ACTG2: variants seen among roughly 807,000 people sequenced by gnomAD.
ACTG2 encodes actin gamma 2, smooth muscle.
In ACTG2, 16 loss-of-function variants were observed where a neutral mutation model predicts 37.6. The observed-to-expected ratio is 0.43, with a 90% CI of 0.29 to 0.65. The LOEUF (loss-of-function observed/expected upper bound fraction) is 0.65. Among genes scored for constraint, ACTG2 ranks in the 30% least tolerant of loss-of-function variants. The pLI, the probability that ACTG2 is intolerant of heterozygous loss-of-function variation, is 0.18. For synonymous variants in ACTG2, 181 were observed against 179.9 expected (o/e 1.01, Z -0.05); for missense variants, 238 against 490.9 (o/e 0.48, Z 4.87).
chr2:73,912,285 A>G (rs988451617), intron 5 of ACTG2, among the ~76,000 whole-genome samples: 11 of 152,106 alleles, frequency 7.2e-5, no homozygotes, highest in African/African-American at 2.4e-4. Context: ...AGTCTCCCGA[A>G]TAGCTGGAAT....
At position 73,898,741 on chromosome 2, in the gene ACTG2, G is replaced by A. The variant is rs115392946; in HGVS notation, c.-36-2535G>A. 4.1e-3 allele frequency among the ~76,000 whole-genome samples: 613 copies of A among 151,176 alleles called. 10 individuals carry two copies. Among genetic ancestry groups the A allele is most frequent in the African/African-American group, 0.014 (594 of 41,194 alleles). ...ATAGCACACTGCTGATGGTCAACAA[G>A]ACACCAAGTCCTGCTCACAGATGCT... On this transcript the variant is annotated intron_variant, in intron 1 of 8. Coordinates refer to ENST00000345517, the MANE Select transcript of ACTG2 (RefSeq NM_001615.4).
At chr2:73,894,786 T>C (rs954148001) in intron 1 of ACTG2, among the ~76,000 whole-genome samples, 3 of 151,950 alleles carry the variant, frequency 2.0e-5, no homozygotes, top group Non-Finnish European at 4.4e-5. Context: ...AGTGGCTCAA[T>C]TCCACTGAAT....
chr2:73,912,767 T>C (rs1262649502), intron 5 of ACTG2, among the ~76,000 whole-genome samples: 1 of 152,256 alleles, frequency 6.6e-6, no homozygotes, highest in African/African-American at 2.4e-5. Context: ...ACACCTCCTA[T>C]TTCTATTTTC....
At chr2:73,908,212 A>C (rs1240838257) in intron 3 of ACTG2, 1 of 463,832 alleles carries the variant, frequency 2.2e-6, no homozygotes, top group African/African-American at 2.0e-5. Flanking sequence ...GGGGCTGCCC[A>C]ACAGGAACTG....
At position 73,908,720 on chromosome 2, in the gene ACTG2, G is replaced by A. The variant is rs141222381; in HGVS notation, c.303G>A (p.Glu101=). 5 of 1,613,530 alleles carry A rather than the reference G, an allele frequency of 3.1e-6. No homozygotes were observed. Among genetic ancestry groups the A allele is most frequent in the Non-Finnish European group, 3.4e-6 (4 of 1,179,784 alleles). ...FYNELRVAPE[E]HPTLLTEAPL... ...ATGAGCTGCGTGTAGCACCTGAAGA[G>A]CACCCCACCCTGCTCACAGAGGCTC... The change falls in exon 4 of 9, where the codon GAG becomes GAA. Residue 101 remains glutamate, a synonymous_variant. Coordinates refer to ENST00000345517, the MANE Select transcript of ACTG2 (RefSeq NM_001615.4).
At chr2:73,901,070 C>T (rs952834873) in intron 1 of ACTG2, among the ~76,000 whole-genome samples, 1 of 152,030 alleles carries the variant, frequency 6.6e-6, no homozygotes, top group Non-Finnish European at 1.5e-5. Context: ...GTTAGGACTT[C>T]AACATGAATT....
intron 7 of ACTG2, 52 bp from the exon 8 acceptor site, chr2:73,916,532 G>T (rs1680271857): frequency 8.5e-6 from 13 of 1,527,398 alleles, no homozygotes. Context: ...AGCTGGAGGT[G>T]TGCATATTTA....
At chr2:73,905,694 C>G (rs1680002032) in intron 3 of ACTG2, among the ~76,000 whole-genome samples, 1 of 152,058 alleles carries the variant, frequency 6.6e-6, no homozygotes, top group Non-Finnish European at 1.5e-5. Flanking sequence ...TTGGTTTAGC[C>G]TATTTGTTAA....
intron 5 of ACTG2, among the ~76,000 whole-genome samples, chr2:73,910,068 A>T (rs1051505357): frequency 5.9e-5 from 9 of 151,906 alleles, no homozygotes; most frequent in Non-Finnish European, 1.0e-4. Flanking sequence ...TACAAAAATT[A>T]GTTGGACGTG....
intron 3 of ACTG2, chr2:73,902,822 A>G (rs1679921500): frequency 1.3e-6 from 2 of 1,499,846 alleles, no homozygotes; most frequent in Non-Finnish European, 1.8e-6. Flanking sequence ...TCATTAACCA[A>G]CAGGGGGTTC....
At chr2:73,919,397 G>A (rs750659683) in intron 8 of ACTG2, 35 bp from the exon 9 acceptor site, 3 of 1,606,960 alleles carry the variant, frequency 1.9e-6, no homozygotes, top group Non-Finnish European at 2.5e-6. Flanking sequence ...TTCCCTTGGG[G>A]ACTGATCATG....
intron 8 of ACTG2, among the ~76,000 whole-genome samples, chr2:73,918,095 C>G (rs1680309107): frequency 6.6e-6 from 1 of 152,182 alleles, no homozygotes; most frequent in South Asian, 2.1e-4. Context: ...CCAGGACAAT[C>G]TAAATAAAAG....
At chr2:73,902,203 T>C (rs564607770) in intron 2 of ACTG2, among the ~76,000 whole-genome samples, 157 bp from the exon 3 acceptor site, 1 of 152,258 alleles carries the variant, frequency 6.6e-6, no homozygotes, top group African/African-American at 2.4e-5. Flanking sequence ...TCATACTCAC[T>C]GGCATCTGCT....
intron 5 of ACTG2, among the ~76,000 whole-genome samples, chr2:73,912,523 G>A (rs2694697): frequency 6.6e-6 from 1 of 151,892 alleles, no homozygotes; most frequent in Non-Finnish European, 1.5e-5. Context: ...GTTTCATTAT[G>A]TATTTATTTT....
At chr2:73,914,174 CTT>C (rs1680202651) in intron 6 of ACTG2, among the ~76,000 whole-genome samples, 1 of 152,130 alleles carries the variant, frequency 6.6e-6, no homozygotes, top group African/African-American at 2.4e-5. Flanking sequence ...GAGACTCCCT[CTT>C]TAGAAAGAGG....
Position 73,919,145 on chromosome 2 carries a change from G to A in ACTG2, c.988-287G>A, listed in dbSNP as rs146312285. ...TGGCAGAGCAAGAGAACATGCCCAA[G>A]TACACAAGCATATTTCAAGCCCCTG... On this transcript the variant is annotated intron_variant, in intron 8 of 8. Coordinates refer to ENST00000345517, the MANE Select transcript of ACTG2 (RefSeq NM_001615.4). Among the ~76,000 whole-genome samples, 60 of 152,280 alleles carry A rather than the reference G, an allele frequency of 3.9e-4. No homozygotes were observed. In the East Asian group the frequency reaches 5.8e-3, roughly 15 times the overall value.
chr2:73,904,801 A>G (rs1009121571), intron 3 of ACTG2, among the ~76,000 whole-genome samples: 2,073 of 118,908 alleles, frequency 0.017, 27 homozygotes, highest in Middle Eastern at 0.062. Flanking sequence ...ATATATATAT[A>G]TATATATATA....
At chr2:73,899,468 T>C (rs188887883) in intron 1 of ACTG2, among the ~76,000 whole-genome samples, 2 of 151,406 alleles carry the variant, frequency 1.3e-5, no homozygotes, top group Non-Finnish European at 2.9e-5. Flanking sequence ...TCTCAAAAAA[T>C]ATATATATAT....
At chr2:73,902,755 T>C (rs1006884256) in intron 3 of ACTG2, 1 of 1,550,586 alleles carries the variant, frequency 6.4e-7, no homozygotes, top group Non-Finnish European at 8.7e-7. Context: ...AAAACTGATC[T>C]TTCTAAACAC....
Sources: allele counts gnomAD v4.1 joint callset (sites outside exome capture counted in the v4.1 genomes callset), GRCh38; gene constraint gnomAD v4.1.1; transcripts MANE v1.5; gene names NCBI Gene and HGNC (gene_info 2026-07-23, HGNC 2026-07-21).